Variants in EFCAB5 observed in about 807,000 individuals in gnomAD.
The protein encoded by EFCAB5 is EF-hand calcium-binding domain-containing protein 5.
A neutral mutation model predicts 167.9 loss-of-function variants in EFCAB5; 131 were observed. That is an observed-to-expected ratio of 0.78 (90% confidence interval 0.68 to 0.90). The LOEUF is 0.90. Among genes scored for constraint, EFCAB5 ranks in the 40% least tolerant of loss-of-function variants. The pLI is 0.00. For synonymous variants in EFCAB5, 574 were observed against 602.8 expected (o/e 0.95, Z 0.70); for missense variants, 1,663 against 1,745.2 (o/e 0.95, Z 0.84).
chr17:30,018,931 T>C (rs1189219184), intron 7 of EFCAB5, among the ~76,000 whole-genome samples: 2 of 152,236 alleles, frequency 1.3e-5, no homozygotes, highest in African/African-American at 4.8e-5. Context: ...TACTTCTTTT[T>C]GTAGTCCTTG....
rs1398838170 is a variant in EFCAB5, at chr17:30,027,548, G to A, written c.1045-6682G>A. Among the ~76,000 whole-genome samples the A allele has an allele frequency of 4.6e-5, 7 of 151,948 alleles. 1 individual carries two copies. The highest frequency in any genetic ancestry group is 3.9e-4 in the Admixed American group (6 of 15,246). On this transcript the variant is annotated intron_variant, in intron 7 of 22. Transcript: ENST00000394835. The stretch of plus-strand genomic sequence containing the variant: ...TATAGACAGTTTGTTATGTAAAGCA[G>A]GATATGATACAGCATACGTCCAAAC...
At chr17:29,996,200 C>T in intron 5 of EFCAB5, 112 bp from the exon 6 acceptor site, 1 of 823,790 alleles carries the variant, frequency 1.2e-6, no homozygotes, top group Non-Finnish European at 1.9e-6. Context: ...GGAAAGATCA[C>T]CCAATACTAA....
intron 8 of EFCAB5, among the ~76,000 whole-genome samples, chr17:30,044,421 T>C (rs1174224039): frequency 1.3e-5 from 2 of 151,966 alleles, no homozygotes; most frequent in Non-Finnish European, 2.9e-5. Context: ...CTACTAAAAA[T>C]ACAAAAATTA....
intron 4 of EFCAB5, among the ~76,000 whole-genome samples, chr17:29,981,315 C>G (rs2068170118): frequency 6.6e-6 from 1 of 152,154 alleles, no homozygotes; most frequent in South Asian, 2.1e-4. Context: ...ACTCCAGGCA[C>G]AGAGGATTTC....
intron 3 of EFCAB5, among the ~76,000 whole-genome samples, chr17:29,966,936 C>T (rs2067841653): frequency 6.6e-6 from 1 of 151,890 alleles, no homozygotes; most frequent in South Asian, 2.1e-4. Flanking sequence ...ACAACATGAG[C>T]CCAATCCTAT....
intron 3 of EFCAB5, among the ~76,000 whole-genome samples, chr17:29,950,287 C>T (rs542938041): frequency 1.3e-5 from 2 of 151,452 alleles, no homozygotes; most frequent in Non-Finnish European, 2.9e-5. Flanking sequence ...TTCCTTCCTT[C>T]CTTCCTTCCT....
intron 10 of EFCAB5, among the ~76,000 whole-genome samples, chr17:30,055,671 A>G (rs1456473679): frequency 1.1e-4 from 17 of 152,192 alleles, no homozygotes; most frequent in Admixed American, 5.9e-4. Flanking sequence ...TGCATGGCCA[A>G]ATTGGATACA....
At chr17:30,087,331 C>T (rs1035100598) in intron 19 of EFCAB5, among the ~76,000 whole-genome samples, 165 bp downstream of exon 19, 3 of 152,172 alleles carry the variant, frequency 2.0e-5, no homozygotes, top group African/African-American at 4.8e-5. Context: ...ATGTGCAGGA[C>T]GTGCAGGTTT....
chr17:30,096,731 A>G (rs1567776993), intron 22 of EFCAB5, among the ~76,000 whole-genome samples: 1 of 130,000 alleles, frequency 7.7e-6, no homozygotes, highest in Admixed American at 8.6e-5. Context: ...CCAGGTTGGA[A>G]TGCAGTGGCC....
At chr17:30,043,388 G>A (rs930951533) in intron 8 of EFCAB5, among the ~76,000 whole-genome samples, 2 of 151,766 alleles carry the variant, frequency 1.3e-5, no homozygotes, top group Non-Finnish European at 2.9e-5. Flanking sequence ...TGTACTGGAG[G>A]TACTAGCCAA....
intron 3 of EFCAB5, among the ~76,000 whole-genome samples, chr17:29,951,189 T>G (rs2067501369): frequency 6.6e-6 from 1 of 152,196 alleles, no homozygotes; most frequent in Non-Finnish European, 1.5e-5. Flanking sequence ...TACTATCCAC[T>G]GTTAGATTTA....
At chr17:30,007,263 A>G (rs1240328358) in intron 7 of EFCAB5, among the ~76,000 whole-genome samples, 1 of 152,196 alleles carries the variant, frequency 6.6e-6, no homozygotes, top group Non-Finnish European at 1.5e-5. Context: ...CCCTAGTTCC[A>G]TGTGGCTTCT....
chr17:30,105,351 G>C (rs1217968671), intron 22 of EFCAB5, among the ~76,000 whole-genome samples: 1 of 152,068 alleles, frequency 6.6e-6, no homozygotes, highest in Non-Finnish European at 1.5e-5. Context: ...GCCAGGCCTG[G>C]TGATGGGCGT....
At chr17:30,035,101 G>A (rs562008665) in intron 8 of EFCAB5, among the ~76,000 whole-genome samples, 1 of 152,216 alleles carries the variant, frequency 6.6e-6, no homozygotes, top group South Asian at 2.1e-4. Flanking sequence ...TTGCAATCTA[G>A]GTTCTTAGAT....
At chr17:29,996,165 T>C (rs993345388) in intron 5 of EFCAB5, 147 bp from the exon 6 acceptor site, 4 of 605,346 alleles carry the variant, frequency 6.6e-6, no homozygotes, top group Non-Finnish European at 1.2e-5. Context: ...TATATGTGAC[T>C]TATTACTATT....
intron 7 of EFCAB5, among the ~76,000 whole-genome samples, chr17:30,017,945 A>G (rs2069087019): frequency 6.6e-6 from 1 of 152,126 alleles, no homozygotes; most frequent in African/African-American, 2.4e-5. Context: ...TGCTATTCCC[A>G]AATTATTTAT....
chr17:30,101,195 C>T (rs2071378628), intron 22 of EFCAB5, among the ~76,000 whole-genome samples: 1 of 152,124 alleles, frequency 6.6e-6, no homozygotes, highest in South Asian at 2.1e-4. Context: ...AACGATATGA[C>T]CTATGTTTTA....
chr17:29,960,931 A>G (rs1252722874), intron 3 of EFCAB5, among the ~76,000 whole-genome samples: 1 of 152,138 alleles, frequency 6.6e-6, no homozygotes, highest in African/African-American at 2.4e-5. Context: ...CCTGGGCTTA[A>G]GCAATCCTCC....
intron 10 of EFCAB5, 145 bp from the exon 11 acceptor site, chr17:30,055,743 G>T: frequency 6.6e-6 from 5 of 760,412 alleles, no homozygotes; most frequent in Non-Finnish European, 2.1e-6. Flanking sequence ...CTTCACTGTG[G>T]TCGATTGCAA....
Sources: allele counts gnomAD v4.1 joint callset (sites outside exome capture counted in the v4.1 genomes callset), GRCh38; gene constraint gnomAD v4.1.1; transcripts MANE v1.5; gene names NCBI Gene and HGNC (gene_info 2026-07-23, HGNC 2026-07-21).